TENM3: variants seen among roughly 807,000 people sequenced by gnomAD.
TENM3 encodes the protein teneurin-3.
TENM3 carries 63 observed loss-of-function variants against 255.1 expected under a neutral mutation model. That is an observed-to-expected ratio of 0.25 (90% CI 0.20 to 0.30). The LOEUF (loss-of-function observed/expected upper bound fraction) is 0.30. TENM3 is among the 10% of genes least tolerant of loss of function. The pLI is 1.00. For synonymous variants in TENM3, 1,306 were observed against 1,322.3 expected, an observed-to-expected ratio of 0.99 and a Z score of 0.27; for missense variants, 2,929 against 3,461.1, an observed-to-expected ratio of 0.85 and a Z score of 3.86.
At chr4:181,488,585 T>A in the TENM3 span, among the ~76,000 whole-genome samples, 1 of 152,224 alleles carries the variant, frequency 6.6e-6, no homozygotes, top group Non-Finnish European at 1.5e-5. Flanking sequence ...GGTAAACAAG[T>A]TGTCTTTTAG....
upstream of TENM3, among the ~76,000 whole-genome samples, chr4:182,139,673 C>T (rs1025484817): frequency 1.3e-5 from 2 of 152,204 alleles, no homozygotes; most frequent in South Asian, 2.1e-4. Context: ...GTTCACAGAG[C>T]TAAACCAAAA....
chr4:181,506,015 T>TA, the TENM3 span, among the ~76,000 whole-genome samples: 82 of 152,290 alleles, frequency 5.4e-4, no homozygotes, highest in African/African-American at 1.8e-3. Context: ...AATAGATTGA[T>TA]AAAAAACGTT....
At chr4:181,774,964 G>T in the TENM3 span, among the ~76,000 whole-genome samples, 2 of 135,192 alleles carry the variant, frequency 1.5e-5, 1 homozygote, top group African/African-American at 6.6e-5. Flanking sequence ...CCATGTTGTA[G>T]GTTGCCTGTT....
chr4:181,709,686 A>C, the TENM3 span, among the ~76,000 whole-genome samples: 1 of 152,372 alleles, frequency 6.6e-6, no homozygotes, highest in African/African-American at 2.4e-5. Context: ...TGGCTGCTGC[A>C]CAGATGTGGA....
chr4:182,484,751 G>A (rs1734539445), intron 3 of TENM3, among the ~76,000 whole-genome samples: 1 of 152,040 alleles, frequency 6.6e-6, no homozygotes, highest in African/African-American at 2.4e-5. Flanking sequence ...ACTGATAATT[G>A]TGTGATTTAC....
At chr4:182,193,554 G>T (rs746981198) in intron 1 of TENM3, among the ~76,000 whole-genome samples, 1 of 152,176 alleles carries the variant, frequency 6.6e-6, no homozygotes, top group Non-Finnish European at 1.5e-5. Flanking sequence ...AAACAATAGC[G>T]TCCTGGCGTA....
At chr4:182,590,141 C>T (rs13107343) in intron 3 of TENM3, among the ~76,000 whole-genome samples, 1 of 151,762 alleles carries the variant, frequency 6.6e-6, no homozygotes, top group Non-Finnish European at 1.5e-5. Context: ...CCAGGGAGGC[C>T]CAGGCTAGTG....
chr4:182,667,851 T>C (rs1414211918), intron 6 of TENM3, among the ~76,000 whole-genome samples: 2 of 151,810 alleles, frequency 1.3e-5, no homozygotes, highest in Non-Finnish European at 2.9e-5. Flanking sequence ...CTAATGTAAA[T>C]GATGAGTTAA....
At chr4:182,207,827 A>G (rs557284056) in intron 1 of TENM3, among the ~76,000 whole-genome samples, 1 of 152,286 alleles carries the variant, frequency 6.6e-6, no homozygotes, top group South Asian at 2.1e-4. Context: ...ATCTTTTGTA[A>G]TGTATTGTGT....
intron 1 of TENM3, among the ~76,000 whole-genome samples, chr4:182,167,299 C>T (rs2149676234): frequency 6.6e-6 from 1 of 152,284 alleles, no homozygotes; most frequent in East Asian, 1.9e-4. Context: ...CTTTTAAAAA[C>T]TGCAAAAGGT....
intron 1 of TENM3, among the ~76,000 whole-genome samples, chr4:182,160,538 T>A (rs1170158340): frequency 6.6e-6 from 1 of 152,204 alleles, no homozygotes; most frequent in Non-Finnish European, 1.5e-5. Flanking sequence ...TTCACAGAAT[T>A]ACTTAGCATT....
At chr4:182,259,439 G>A (rs890430609) in intron 1 of TENM3, among the ~76,000 whole-genome samples, 4 of 151,986 alleles carry the variant, frequency 2.6e-5, no homozygotes, top group Non-Finnish European at 4.4e-5. Flanking sequence ...AGCCTCCCAC[G>A]TAGCTGGGAC....
chr4:181,560,510 T>G, the TENM3 span, among the ~76,000 whole-genome samples: 1 of 152,308 alleles, frequency 6.6e-6, no homozygotes, highest in Admixed American at 6.5e-5. Flanking sequence ...CAATTCCTCC[T>G]TCATATGTCA....
At chr4:182,085,658 T>C in the TENM3 span, among the ~76,000 whole-genome samples, 1 of 152,166 alleles carries the variant, frequency 6.6e-6, no homozygotes, top group South Asian at 2.1e-4. Flanking sequence ...TAGGAATTTA[T>C]TATGCCAAAG....
chr4:181,807,580 C>A, the TENM3 span, among the ~76,000 whole-genome samples: 4 of 152,114 alleles, frequency 2.6e-5, no homozygotes, highest in Admixed American at 6.6e-5. Flanking sequence ...CTTGAACTCC[C>A]GACCTCAGGT....
chr4:181,997,560 G>A, the TENM3 span, among the ~76,000 whole-genome samples: 1 of 150,834 alleles, frequency 6.6e-6, no homozygotes, highest in East Asian at 1.9e-4. Flanking sequence ...ACACCAGGCA[G>A]GAGGGAAACT....
chr4:182,154,912 C>T (rs1249936263), intron 1 of TENM3, among the ~76,000 whole-genome samples: 7 of 152,046 alleles, frequency 4.6e-5, no homozygotes, highest in Non-Finnish European at 1.0e-4. Context: ...TGAGTATATT[C>T]CCAACTTGTA....
chr4:181,902,116 TACACAC>T, the TENM3 span, among the ~76,000 whole-genome samples: 3,569 of 147,530 alleles, frequency 0.024, 166 homozygotes, highest in African/African-American at 0.083. Flanking sequence ...CATGTGAGCA[TACACAC>T]ACACACACAC....
intron 1 of TENM3, among the ~76,000 whole-genome samples, chr4:182,317,851 A>G (rs1008002339): frequency 6.6e-6 from 1 of 152,212 alleles, no homozygotes; most frequent in Admixed American, 6.5e-5. Flanking sequence ...TAGCTATTCA[A>G]TAAAGGAAAT....
Sources: gnomAD v4.1 joint callset for allele counts (sites outside exome capture counted in the v4.1 genomes callset) on GRCh38, gnomAD v4.1.1 for gene constraint, MANE v1.5 for transcripts, NCBI Gene and HGNC (gene_info 2026-07-23, HGNC 2026-07-21) for gene names.